Variants in CARD16 observed in about 807,000 individuals in gnomAD.
CARD16 encodes caspase recruitment domain family member 16, also known as caspase recruitment domain-containing protein 16.
Under a neutral mutation model 11.9 loss-of-function variants are expected in CARD16, and 8 were observed. That is an observed-to-expected ratio of 0.67 (90% confidence interval 0.39 to 1.21). The LOEUF (loss-of-function observed/expected upper bound fraction) is 1.21, where lower values mean the gene tolerates loss of function less well. Among genes scored for constraint, CARD16 ranks in the 50% most tolerant of loss-of-function variants. The pLI is 0.01. For missense variants in CARD16, 131 were observed against 118.1 expected, an observed-to-expected ratio of 1.11 and a Z score of -0.51; for synonymous variants, 44 against 43.8, an observed-to-expected ratio of 1.00 and a Z score of -0.02.
intron 3 of CARD16, among the ~76,000 whole-genome samples, 152 bp downstream of exon 3, chr11:105,043,331 G>C (rs1379006307): frequency 6.6e-6 from 1 of 151,068 alleles, no homozygotes; most frequent in East Asian, 1.9e-4. Flanking sequence ...TTTGGGAACA[G>C]TTTCTGCAAA....
At position 105,044,221 on chromosome 11, in the gene CARD16, G is replaced by C; in HGVS notation, c.274+171C>G. Reference sequence around the variant, plus strand: ...ATCAGAAGAGGGCACTGAGGATGAAGGAACACAAAAAAGAGTCAAGGGACA... The same window carrying C: ...ATCAGAAGAGGGCACTGAGGATGAACGAACACAAAAAAGAGTCAAGGGACA... On this transcript the variant is annotated intron_variant, in intron 2 of 3. Coordinates refer to ENST00000673097, the MANE Select transcript of CARD16 (RefSeq NM_052889.4). 4 of 1,045,548 alleles carry C rather than the reference G, an allele frequency of 3.8e-6. No homozygotes were observed. In the South Asian group the frequency reaches 6.4e-5, roughly 17 times the overall value. 64.8% of individuals were successfully genotyped at this position (1,045,548 alleles called of 1,614,324 possible).
At chr11:105,042,442 T>C (rs1864127123) in intron 3 of CARD16, among the ~76,000 whole-genome samples, 1 of 148,910 alleles carries the variant, frequency 6.7e-6, no homozygotes, top group African/African-American at 2.5e-5. Context: ...AATCTGACAA[T>C]GTGATGCACT....
intron 3 of CARD16, among the ~76,000 whole-genome samples, chr11:105,043,254 T>C (rs1401173432): frequency 6.6e-6 from 1 of 152,210 alleles, no homozygotes; most frequent in Non-Finnish European, 1.5e-5. Context: ...AGTTTGGTAC[T>C]TATTTGGGTA....
chr11:105,044,911 G>A (rs886670977), intron 1 of CARD16: 198 of 651,364 alleles, frequency 3.0e-4, no homozygotes, highest in African/African-American at 3.3e-4. Context: ...TCATCCTCTT[G>A]TGTCCCATGT....
At position 105,044,503 on chromosome 11, in the gene CARD16, G is replaced by C; in HGVS notation, c.163C>G (p.Arg55Gly). The part of the protein sequence containing the change: ...RENATVMDKT[R>G]ALIDSVIPKG... ...GGAATAACGGAGTCAATCAAAGCTC[G>C]GGTCTTATCCATAACTGTAGCATTT... The change falls in exon 2 of 4, where the codon CGA becomes GGA. Residue 55 changes from arginine to glycine, a missense_variant. Physicochemically the swap from Arg to Gly is moderately radical, Grantham distance 125 (BLOSUM62 -2). Coordinates refer to ENST00000673097, the MANE Select transcript of CARD16 (RefSeq NM_052889.4). 1 of 1,614,068 alleles carries C rather than the reference G, an allele frequency of 6.2e-7. No individual in the cohort carries two copies. Among genetic ancestry groups the C allele is most frequent in the African/African-American group, 1.3e-5 (1 of 75,010 alleles).
Position 105,043,465 on chromosome 11 carries a change from A to G in CARD16, c.*43+18T>C. The G allele has an allele frequency of 6.4e-7, 1 of 1,568,356 alleles. No homozygotes were observed. The highest frequency in any genetic ancestry group is 8.8e-7 in the Non-Finnish European group (1 of 1,141,580). On this transcript the variant is annotated intron_variant, in intron 3 of 3. Transcript: ENST00000673097. ...AGATGGGGTTCAAAGAATGCTCTTCATTGAAAAACAACATTACCTGGGAAG... is the reference window on the plus strand; with the variant it reads ...AGATGGGGTTCAAAGAATGCTCTTCGTTGAAAAACAACATTACCTGGGAAG...
At chr11:105,044,992 T>C (rs1255784486) in intron 1 of CARD16, 1 of 599,876 alleles carries the variant, frequency 1.7e-6, no homozygotes, top group Non-Finnish European at 2.9e-6. Flanking sequence ...CTGCTGCTAG[T>C]ACTCCTCCTG....
intron 3 of CARD16, 24 bp from the exon 4 acceptor site, chr11:105,041,743 G>C (rs1864116720): frequency 6.2e-7 from 1 of 1,607,078 alleles, no homozygotes. Flanking sequence ...GGAATATCAT[G>C]AACAGTGGTA....
At chr11:105,044,687 C>T in intron 1 of CARD16, 29 bp from the exon 2 acceptor site, 2 of 1,611,318 alleles carry the variant, frequency 1.2e-6, no homozygotes, top group Non-Finnish European at 1.7e-6. Context: ...TTTCTCACAT[C>T]ATGAAAACAG....
In CARD16 at chr11:105,044,476, T is replaced by C. The variant is rs1330550246; in HGVS notation, c.190A>G (p.Lys64Glu). 3.1e-6 allele frequency: 5 copies of C among 1,614,006 alleles called. No homozygotes were observed. The highest frequency in any genetic ancestry group is 1.7e-5 in the Admixed American group (1 of 59,986). The change falls in exon 2 of 4, where the codon AAA (lysine) becomes GAA (glutamate). Residue 64 changes from lysine (K) to glutamate (E), a missense_variant. Lys to Glu is a moderately conservative substitution (Grantham distance 56). Transcript: ENST00000673097. ...TRALIDSVIP[K>E]GAQACQICIT... ...CAAATTTGGCATGCCTGTGCCCCTT[T>C]CGGAATAACGGAGTCAATCAAAGCT...
At chr11:105,044,946 A>G (rs1431766027) in intron 1 of CARD16, 13 of 613,720 alleles carry the variant, frequency 2.1e-5, no homozygotes, top group Non-Finnish European at 3.1e-5. Context: ...ATAATAAAGT[A>G]ATGAAGCAGA....
intron 1 of CARD16, 143 bp downstream of exon 1, chr11:105,045,148 C>T (rs1864177136): frequency 1.7e-6 from 2 of 1,188,642 alleles, no homozygotes; most frequent in Non-Finnish European, 2.5e-6. Flanking sequence ...TCTTCTAGTT[C>T]CTTCTCTCCT....
intron 3 of CARD16, 116 bp downstream of exon 3, chr11:105,043,367 T>C (rs1864141908): frequency 3.5e-6 from 2 of 573,188 alleles, no homozygotes; most frequent in South Asian, 3.2e-5. Flanking sequence ...AAAAGAAAAT[T>C]ATATGATCAG....
chr11:105,045,315 C>G lies in CARD16; in HGVS notation c.-18G>C, dbSNP rs1476744720. On this transcript the variant is annotated 5_prime_UTR_variant, in exon 1 of 4. Coordinates refer to ENST00000673097, the MANE Select transcript of CARD16 (RefSeq NM_052889.4). ...CCGGCCATGGCTTTTCTCTCCTACC[C>G]TTCTTGTGTGGGCTGAAACTGAAAG... is the stretch of plus-strand genomic sequence containing the variant. 1 of 1,613,864 alleles carries G rather than the reference C, an allele frequency of 6.2e-7. No individual in the cohort carries two copies. The highest frequency in any genetic ancestry group is 8.5e-7 in the Non-Finnish European group (1 of 1,179,880).
chr11:105,042,641 A>G (rs1269725369), intron 3 of CARD16, among the ~76,000 whole-genome samples: 1 of 152,214 alleles, frequency 6.6e-6, no homozygotes, highest in Non-Finnish European at 1.5e-5. Context: ...ACTAATTAGA[A>G]TGATTATATT....
rs750483684 is a variant in CARD16, at chr11:105,045,278, G to T, written c.7+13C>A. 1.2e-6 allele frequency: 2 copies of T among 1,613,872 alleles called. No individual in the cohort carries two copies. Among genetic ancestry groups the T allele is most frequent in the African/African-American group, 2.7e-5 (2 of 74,916 alleles). On this transcript the variant is annotated intron_variant, in intron 1 of 3. Transcript: ENST00000673097. Reference sequence around the variant, plus strand: ...TTCCCAGGGACCTGTTCTTGGAACAGTAAAAGACTCACCGGCCATGGCTTT... The same window carrying T: ...TTCCCAGGGACCTGTTCTTGGAACATTAAAAGACTCACCGGCCATGGCTTT...
Position 105,044,471 on chromosome 11 carries a change from C to T in CARD16, c.195G>A (p.Gly65=), listed in dbSNP as rs1864161114. The change falls in exon 2 of 4, where the codon GGG becomes GGA. Residue 65 remains glycine, a synonymous_variant. Transcript: ENST00000673097. ...TGATGCAAATTTGGCATGCCTGTGC[C>T]CCTTTCGGAATAACGGAGTCAATCA... ...RALIDSVIPK[G]AQACQICITY... is the part of the protein sequence containing the mutation. The T allele has an allele frequency of 6.2e-7, 1 of 1,614,006 alleles. No individual in the cohort carries two copies.
chr11:105,044,644 C>T lies in CARD16; in HGVS notation c.22G>A (p.Glu8Lys), dbSNP rs61745004. The T allele has an allele frequency of 6.2e-7, 1 of 1,614,052 alleles. No homozygotes were observed. Among genetic ancestry groups the T allele is most frequent in the Non-Finnish European group, 8.5e-7 (1 of 1,179,932 alleles). The change falls in exon 2 of 4, where the codon GAG (glutamate) becomes AAG (lysine). Residue 8 changes from glutamate (E) to lysine (K), a missense_variant. Glu to Lys is a moderately conservative substitution (Grantham distance 56). Transcript: ENST00000673097. ...GAATGGATAAACAGCTTTCTCTTCTCCTTCAGGACCTTGTCTGTTTGGAGC... is the reference window on the plus strand; with the variant it reads ...GAATGGATAAACAGCTTTCTCTTCTTCTTCAGGACCTTGTCTGTTTGGAGC... MADKVLK[E>K]KRKLFIHSMG...
intron 3 of CARD16, among the ~76,000 whole-genome samples, chr11:105,043,004 G>A (rs1394183677): frequency 6.6e-6 from 1 of 152,134 alleles, no homozygotes; most frequent in African/African-American, 2.4e-5. Context: ...CCAAATTTGA[G>A]AGAAGAATGC....
Sources: allele counts gnomAD v4.1 joint callset (sites outside exome capture counted in the v4.1 genomes callset), GRCh38; gene constraint gnomAD v4.1.1; transcripts MANE v1.5; gene names NCBI Gene and HGNC (gene_info 2026-07-23, HGNC 2026-07-21).